NKAIN3: variants seen among roughly 807,000 people sequenced by gnomAD.
NKAIN3 encodes sodium/potassium-transporting ATPase subunit beta-1-interacting protein 3.
A neutral mutation model predicts 30.2 loss-of-function variants in NKAIN3; 25 were observed. The ratio of observed to expected loss-of-function variants is 0.83; its 90% CI spans 0.60 to 1.16. The LOEUF is 1.16. Among genes scored for constraint, NKAIN3 ranks in the 50% most tolerant of loss-of-function variants. The probability of loss-of-function intolerance (pLI) is 0.00; values close to 1 mark genes in which losing one functional copy is unlikely to be tolerated. For missense variants in NKAIN3, 225 were observed against 254.1 expected (o/e 0.89, Z 0.78); for synonymous variants, 91 against 89.6 (o/e 1.02, Z -0.09).
intron 1 of NKAIN3, among the ~76,000 whole-genome samples, chr8:62,341,604 G>A (rs371649061): frequency 2.0e-5 from 3 of 152,080 alleles, no homozygotes; most frequent in East Asian, 3.9e-4. Flanking sequence ...TCAATAAAAT[G>A]CCTTTAACCT....
At position 62,859,436 on chromosome 8, in the gene NKAIN3, CT is replaced by C. The variant is rs1820169160; in HGVS notation, c.472-59016del. Among the ~76,000 whole-genome samples the C allele has an allele frequency of 2.1e-5, 3 of 141,554 alleles. No homozygotes were observed. The Admixed American group carries it at 2.3e-4, about 11-fold the overall frequency. The allele number at this position is 141,554 out of a possible 152,430, so 92.9% of individuals were successfully genotyped here. A position where few individuals can be genotyped will look rare whatever the true frequency, so the allele number is the denominator to read the frequency against. On this transcript the variant is annotated intron_variant, in intron 4 of 6. Transcript: ENST00000623646. ...GCCAAGCTTGTCTGGCTCATCTTGT[CT>C]GGGCTCCTGCACCAGCCATCCTATC...
rs572835268 is a variant in NKAIN3, at chr8:62,784,466, A to G, written c.471+37337A>G. 1.1e-3 allele frequency among the ~76,000 whole-genome samples: 165 copies of G among 152,178 alleles called. 1 individual carries two copies. The highest frequency in any genetic ancestry group is 3.6e-3 in the African/African-American group (150 of 41,554). The stretch of plus-strand genomic sequence containing the variant: ...GAAGGGACATAATTATTGACCATAC[A>G]GAAATTTTAAAAGATTATAAGATAA... On this transcript the variant is annotated intron_variant, in intron 4 of 6. Transcript: ENST00000623646.
chr8:62,572,837 T>C (rs894300534), intron 1 of NKAIN3, among the ~76,000 whole-genome samples: 1 of 152,188 alleles, frequency 6.6e-6, no homozygotes, highest in Non-Finnish European at 1.5e-5. Context: ...GTGGGAATTA[T>C]GGGAGCTACA....
chr8:62,372,579 G>T (rs1195192737), intron 1 of NKAIN3, among the ~76,000 whole-genome samples: 1 of 151,976 alleles, frequency 6.6e-6, no homozygotes, highest in South Asian at 2.1e-4. Flanking sequence ...AACAATAGAT[G>T]TTATTTAACT....
intron 4 of NKAIN3, chr8:62,856,099 T>C: frequency 2.8e-6 from 2 of 710,280 alleles, no homozygotes; most frequent in Non-Finnish European, 5.2e-6. Context: ...TCAAACTGTT[T>C]TAACTCTTCT....
chr8:62,325,397 G>A lies in NKAIN3; in HGVS notation c.54+76270G>A, dbSNP rs576762313. The stretch of plus-strand genomic sequence containing the variant: ...ATTCATTGGTTAGATGGGCACTTAG[G>A]TTGGTTCCATATTTTTGCAATTGTG... On this transcript the variant is annotated intron_variant, in intron 1 of 6. Transcript: ENST00000623646. Among the ~76,000 whole-genome samples, 8 of 152,140 alleles carry A rather than the reference G, an allele frequency of 5.3e-5. No homozygotes were observed. The South Asian group carries it at 1.4e-3, about 28-fold the overall frequency.
chr8:62,851,531 T>C (rs1284004694), intron 4 of NKAIN3, among the ~76,000 whole-genome samples: 1 of 152,184 alleles, frequency 6.6e-6, no homozygotes, highest in Non-Finnish European at 1.5e-5. Flanking sequence ...CCCCGTCTTG[T>C]GCCGGTTTTC....
rs370592681 is a variant in NKAIN3 at position 62,891,834 on chromosome 8, T to G, written c.472-26619T>G. Among the ~76,000 whole-genome samples the G allele has an allele frequency of 5.7e-4, 87 of 152,292 alleles. 1 individual carries two copies. The South Asian group carries it at 0.014, about 24-fold the overall frequency. On this transcript the variant is annotated intron_variant, in intron 4 of 6. Coordinates refer to ENST00000623646, the MANE Select transcript of NKAIN3 (RefSeq NM_001304533.3). ...TTTCTCTTCATCACACTCTTCATCC[T>G]CTTTCTCTTCTTCCTTGCCTTCCCC...
At chr8:62,541,484 A>C (rs1321535502) in intron 1 of NKAIN3, among the ~76,000 whole-genome samples, 4 of 152,102 alleles carry the variant, frequency 2.6e-5, no homozygotes, top group Admixed American at 2.6e-4. Context: ...AGCTTTTTGG[A>C]GTAATTTTCA....
Position 62,973,570 on chromosome 8 carries a change from T to G in NKAIN3, c.*8163T>G, listed in dbSNP as rs1823879871. Among the ~76,000 whole-genome samples the G allele has an allele frequency of 6.6e-6, 1 of 152,228 alleles. No individual in the cohort carries two copies. The highest frequency in any genetic ancestry group is 2.4e-5 in the African/African-American group (1 of 41,468). Reference sequence around the variant, plus strand: ...TTGTAGATTCTGGATATTAGCCCTTTGTCAGATGGATAGGTTGCAAAAATT... The same window carrying G: ...TTGTAGATTCTGGATATTAGCCCTTGGTCAGATGGATAGGTTGCAAAAATT... On this transcript the variant is annotated 3_prime_UTR_variant, in exon 7 of 7. Transcript: ENST00000623646.
At chr8:62,472,722 G>A (rs1806391356) in intron 1 of NKAIN3, among the ~76,000 whole-genome samples, 1 of 152,186 alleles carries the variant, frequency 6.6e-6, no homozygotes, top group Admixed American at 6.5e-5. Context: ...GCAAATGAAT[G>A]AAGAAGGAAC....
chr8:62,398,545 A>G (rs1187196976), intron 1 of NKAIN3, among the ~76,000 whole-genome samples: 1 of 152,212 alleles, frequency 6.6e-6, no homozygotes, highest in Non-Finnish European at 1.5e-5. Flanking sequence ...CATGACTGAA[A>G]GTACATGGTA....
intron 1 of NKAIN3, among the ~76,000 whole-genome samples, chr8:62,496,598 C>T (rs926406667): frequency 3.3e-5 from 5 of 152,086 alleles, no homozygotes; most frequent in African/African-American, 1.2e-4. Context: ...AAAGCCTAGG[C>T]TTATCATCCA....
At chr8:62,389,357 T>C (rs1181211467) in intron 1 of NKAIN3, among the ~76,000 whole-genome samples, 1 of 152,170 alleles carries the variant, frequency 6.6e-6, no homozygotes, top group Non-Finnish European at 1.5e-5. Context: ...ACTTAGTCTT[T>C]TAGCTGTTTT....
intron 2 of NKAIN3, among the ~76,000 whole-genome samples, chr8:62,582,707 T>C (rs1810344913): frequency 6.6e-6 from 1 of 152,144 alleles, no homozygotes; most frequent in Non-Finnish European, 1.5e-5. Context: ...TGTGCTAAGT[T>C]TGGAAAAATA....
At chr8:62,641,001 T>G (rs1471600425) in intron 3 of NKAIN3, among the ~76,000 whole-genome samples, 1 of 150,420 alleles carries the variant, frequency 6.6e-6, no homozygotes, top group East Asian at 1.9e-4. Flanking sequence ...TAGAAAAGCC[T>G]CATTTATTTA....
At chr8:62,891,667 T>C (rs1821300669) in intron 4 of NKAIN3, among the ~76,000 whole-genome samples, 1 of 152,204 alleles carries the variant, frequency 6.6e-6, no homozygotes, top group Non-Finnish European at 1.5e-5. Flanking sequence ...AGTTAGCCTT[T>C]TGAACAGAGA....
intron 3 of NKAIN3, among the ~76,000 whole-genome samples, chr8:62,667,452 G>A (rs923548287): frequency 4.0e-5 from 6 of 149,820 alleles, no homozygotes; most frequent in Admixed American, 3.3e-4. Context: ...ACCCACAGAT[G>A]TGATCGCCAC....
At chr8:62,347,173 A>C (rs1436786936) in intron 1 of NKAIN3, among the ~76,000 whole-genome samples, 1 of 152,146 alleles carries the variant, frequency 6.6e-6, no homozygotes, top group Non-Finnish European at 1.5e-5. Context: ...TACTAAAAGC[A>C]GAGAGTCCTT....
Sources: gnomAD v4.1 joint callset for allele counts (sites outside exome capture counted in the v4.1 genomes callset) on GRCh38, gnomAD v4.1.1 for gene constraint, MANE v1.5 for transcripts, NCBI Gene and HGNC (gene_info 2026-07-23, HGNC 2026-07-21) for gene names.